Variants in MAMDC2 observed in about 807,000 individuals in gnomAD.
The protein encoded by MAMDC2 is MAM domain containing 2, also known as MAM domain-containing protein 2.
MAMDC2 carries 57 observed loss-of-function variants against 89.8 expected under a neutral mutation model. The ratio of observed to expected loss-of-function variants is 0.63; its 90% CI spans 0.51 to 0.79. The LOEUF (loss-of-function observed/expected upper bound fraction) is 0.79. Among genes scored for constraint, MAMDC2 ranks in the 30% least tolerant of loss-of-function variants. The pLI, the probability that MAMDC2 is intolerant of heterozygous loss-of-function variation, is 0.00. For synonymous variants in MAMDC2, 313 were observed against 293.4 expected, an observed-to-expected ratio of 1.07 and a Z score of -0.68; for missense variants, 800 against 820.6, an observed-to-expected ratio of 0.97 and a Z score of 0.31.
intron 11 of MAMDC2, among the ~76,000 whole-genome samples, chr9:70,189,900 A>G (rs1383508823): frequency 6.6e-6 from 1 of 151,804 alleles, no homozygotes; most frequent in Non-Finnish European, 1.5e-5. Flanking sequence ...ATTTTATTTC[A>G]TTATATTTTT....
intron 2 of MAMDC2, among the ~76,000 whole-genome samples, chr9:70,058,692 G>A (rs1165434938): frequency 1.3e-5 from 2 of 152,162 alleles, no homozygotes; most frequent in Admixed American, 6.5e-5. Context: ...CAATTGCAAC[G>A]TTCATTTATT....
At chr9:70,211,268 G>A (rs4329330) in intron 11 of MAMDC2, among the ~76,000 whole-genome samples, 130,378 of 152,196 alleles carry the variant, frequency 0.86, 56,087 homozygotes, top group East Asian at 0.96. Flanking sequence ...ACACCAATCA[G>A]ATGTAGATTT....
chr9:70,066,255 A>T (rs981148958), intron 2 of MAMDC2, among the ~76,000 whole-genome samples: 4 of 152,166 alleles, frequency 2.6e-5, no homozygotes, highest in African/African-American at 9.7e-5. Flanking sequence ...AGCAAGGGCA[A>T]AATCCCTGAG....
At chr9:70,185,575 T>G (rs1563991396) in intron 11 of MAMDC2, among the ~76,000 whole-genome samples, 1 of 152,194 alleles carries the variant, frequency 6.6e-6, no homozygotes, top group Non-Finnish European at 1.5e-5. Context: ...CTTTCAGAGA[T>G]CCTGCCCAGT....
chr9:70,143,768 G>T lies in MAMDC2; in HGVS notation c.1353G>T (p.Arg451Ser). 6.2e-7 allele frequency: 1 copy of T among 1,614,132 alleles called. No individual in the cohort carries two copies. The highest frequency in any genetic ancestry group is 8.5e-7 in the Non-Finnish European group (1 of 1,180,010). The change falls in exon 9 of 14, where the codon AGG becomes AGT. Residue 451 changes from arginine to serine, a missense_variant. By Grantham distance (110) the Arg-to-Ser change is moderately radical. Transcript: ENST00000377182. ...TCTGGTCTGTGTTGGAGTCCCCAAGGGGTGTTTGGATGCAAGCTGAAATCA... is the reference window on the plus strand; with the variant it reads ...TCTGGTCTGTGTTGGAGTCCCCAAGTGGTGTTTGGATGCAAGCTGAAATCA... Reference protein sequence around the residue: ...EKIWSVLESPRGVWMQAEITF... With the variant: ...EKIWSVLESPSGVWMQAEITF...
Position 70,126,292 on chromosome 9 carries a change from T to A in MAMDC2, c.777T>A (p.Asn259Lys), listed in dbSNP as rs781674049. The change falls in exon 6 of 14, where the codon AAT becomes AAA. Residue 259 changes from asparagine to lysine, a missense_variant. By Grantham distance (94) the Asn-to-Lys change is moderately conservative. Coordinates refer to ENST00000377182, the MANE Select transcript of MAMDC2 (RefSeq NM_153267.5). ...ACCAGATCCAGCAGGGGAATGACAATGTCTTTTCCCTTTACACTCGGGATG... is the reference window on the plus strand; with the variant it reads ...ACCAGATCCAGCAGGGGAATGACAAAGTCTTTTCCCTTTACACTCGGGATG... Reference protein sequence around the residue: ...FYYQIQQGNDNVFSLYTRDVA... With the variant: ...FYYQIQQGNDKVFSLYTRDVA... 6.2e-7 allele frequency: 1 copy of A among 1,614,142 alleles called. No homozygotes were observed.
At chr9:70,069,741 GA>G (rs1827359795) in intron 2 of MAMDC2, among the ~76,000 whole-genome samples, 1 of 152,158 alleles carries the variant, frequency 6.6e-6, no homozygotes, top group African/African-American at 2.4e-5. Context: ...ACCTGGGAGG[GA>G]ATGGCTTTGC....
chr9:70,077,766 T>G (rs1187583372), intron 2 of MAMDC2, among the ~76,000 whole-genome samples: 1 of 152,224 alleles, frequency 6.6e-6, no homozygotes, highest in African/African-American at 2.4e-5. Context: ...ATTTGGACTT[T>G]CTTATTGGTT....
At chr9:70,130,022 G>GTGTGTGTT (rs1289870774) in intron 6 of MAMDC2, among the ~76,000 whole-genome samples, 1 of 150,916 alleles carries the variant, frequency 6.6e-6, no homozygotes, top group African/African-American at 2.5e-5. Flanking sequence ...GTGTGTGTGT[G>GTGTGTGTT]TGTGTGTGTG....
intron 11 of MAMDC2, among the ~76,000 whole-genome samples, chr9:70,203,154 T>C (rs1275671352): frequency 6.6e-6 from 1 of 151,190 alleles, no homozygotes; most frequent in Non-Finnish European, 1.5e-5. Flanking sequence ...CTAGTCTTGA[T>C]GGTCTTTACA....
chr9:70,113,141 G>T lies in MAMDC2; in HGVS notation c.643+9G>T. 2 of 1,613,644 alleles carry T rather than the reference G, an allele frequency of 1.2e-6. No individual in the cohort carries two copies. The highest frequency in any genetic ancestry group is 1.7e-6 in the Non-Finnish European group (2 of 1,179,848). On this transcript the variant is annotated intron_variant, in intron 5 of 13. Coordinates refer to ENST00000377182, the MANE Select transcript of MAMDC2 (RefSeq NM_153267.5). ...CTTCAAGAGTGAACTGGGTGAGCTG[G>T]GATCAAATAGAGTCCTTTTCCCAGG...
intron 11 of MAMDC2, among the ~76,000 whole-genome samples, chr9:70,175,380 G>A (rs913206862): frequency 2.4e-4 from 37 of 152,280 alleles, no homozygotes; most frequent in African/African-American, 7.7e-4. Context: ...GATTAGATGA[G>A]TATAAGAGAA....
chr9:70,169,616 G>A (rs911801853), intron 10 of MAMDC2: 3 of 152,096 alleles, frequency 2.0e-5, no homozygotes, highest in African/African-American at 7.2e-5. Flanking sequence ...ATAAAATGAA[G>A]TAAAACAGTG....
chr9:70,184,754 A>C (rs959088650), intron 11 of MAMDC2, among the ~76,000 whole-genome samples: 1 of 151,476 alleles, frequency 6.6e-6, no homozygotes, highest in Non-Finnish European at 1.5e-5. Flanking sequence ...TCTTCTTTAA[A>C]CTGGTTATTC....
At chr9:70,208,057 C>A (rs11791792) in intron 11 of MAMDC2, among the ~76,000 whole-genome samples, 21 of 152,072 alleles carry the variant, frequency 1.4e-4, no homozygotes, top group South Asian at 4.2e-4. Flanking sequence ...GTTTGCAGTC[C>A]GGTAGCGTAA....
At chr9:70,101,253 G>A (rs1828184795) in intron 2 of MAMDC2, among the ~76,000 whole-genome samples, 1 of 152,038 alleles carries the variant, frequency 6.6e-6, no homozygotes, top group Non-Finnish European at 1.5e-5. Flanking sequence ...GTGTGTTTGT[G>A]TTTTAAGCTA....
chr9:70,126,396 G>A lies in MAMDC2; in HGVS notation c.881G>A (p.Ser294Asn), dbSNP rs1998972. The A allele has an allele frequency of 0.92, 1,490,990 of 1,613,424 alleles. 692,441 individuals carry two copies. The highest frequency in any genetic ancestry group is 1 in the East Asian group (44,819 of 44,838). Residue 294 changes from serine (S) to asparagine (N), a missense_variant, in exon 6 of 14, where the codon AGT (serine) becomes AAT (asparagine). Physicochemically the swap from Ser to Asn is conservative, Grantham distance 46 (BLOSUM62 1). Coordinates refer to ENST00000377182, the MANE Select transcript of MAMDC2 (RefSeq NM_153267.5). The stretch of plus-strand genomic sequence containing the variant: ...TGGAACCTTGCGGAGGTCGAGTTCA[G>A]TGCTCCTTACCCCATGGAGGTAGGT... Reference protein sequence around the residue: ...AAWNLAEVEFSAPYPMEVIFE... With the variant: ...AAWNLAEVEFNAPYPMEVIFE...
At chr9:70,208,429 CTGTT>C (rs1267427612) in intron 11 of MAMDC2, among the ~76,000 whole-genome samples, 1 of 152,086 alleles carries the variant, frequency 6.6e-6, no homozygotes, top group African/African-American at 2.4e-5. Context: ...ATTTGGCTCT[CTGTT>C]TGTCTGGTAT....
chr9:70,083,352 C>T (rs1162122419), intron 2 of MAMDC2: 1 of 151,816 alleles, frequency 6.6e-6, no homozygotes, highest in Admixed American at 6.6e-5. Flanking sequence ...TTGTTTTGTA[C>T]TAGAGTTTTG....
Sources: gnomAD v4.1 joint callset for allele counts (sites outside exome capture counted in the v4.1 genomes callset) on GRCh38, gnomAD v4.1.1 for gene constraint, MANE v1.5 for transcripts, NCBI Gene and HGNC (gene_info 2026-07-23, HGNC 2026-07-21) for gene names.